Variants in GBE1 observed in about 807,000 individuals in gnomAD.
The protein encoded by GBE1 is 1,4-alpha-glucan-branching enzyme.
A neutral mutation model predicts 88.8 loss-of-function variants in GBE1; 70 were observed. That is an observed-to-expected ratio of 0.79 (90% CI 0.65 to 0.96). The LOEUF (loss-of-function observed/expected upper bound fraction) is 0.96. GBE1 is among the 40% of genes least tolerant of loss of function. GBE1 has a pLI of 0.00. For missense variants in GBE1, 872 were observed against 871.0 expected, an observed-to-expected ratio of 1.00 and a Z score of -0.01; for synonymous variants, 284 against 300.1, an observed-to-expected ratio of 0.95 and a Z score of 0.56.
chr3:81,634,155 G>A (rs1054479956), intron 7 of GBE1, among the ~76,000 whole-genome samples: 3 of 152,170 alleles, frequency 2.0e-5, no homozygotes, highest in Admixed American at 6.6e-5. Context: ...CCTCGTTCGC[G>A]AGTCCTGCTT....
chr3:81,532,305 G>A (rs935312631), intron 14 of GBE1, among the ~76,000 whole-genome samples: 38 of 151,824 alleles, frequency 2.5e-4, no homozygotes, highest in African/African-American at 8.7e-4. Flanking sequence ...CATCTTGCAC[G>A]AATTTATATT....
At chr3:81,613,295 A>G (rs542445330) in intron 7 of GBE1, among the ~76,000 whole-genome samples, 1 of 152,016 alleles carries the variant, frequency 6.6e-6, no homozygotes, top group East Asian at 1.9e-4. Context: ...TTCAAAATTC[A>G]TTTTTATCCC....
intron 14 of GBE1, among the ~76,000 whole-genome samples, chr3:81,499,435 C>T (rs926194532): frequency 3.3e-5 from 5 of 152,136 alleles, no homozygotes; most frequent in Non-Finnish European, 7.4e-5. Flanking sequence ...TGTTATACTT[C>T]CATCACGACT....
At chr3:81,563,903 A>AAGGG (rs1354103613) in intron 12 of GBE1, among the ~76,000 whole-genome samples, 1 of 142,348 alleles carries the variant, frequency 7.0e-6, no homozygotes, top group East Asian at 2.5e-4. Flanking sequence ...GAGACGGAGA[A>AAGGG]AGGGAGGGAG....
intron 3 of GBE1, among the ~76,000 whole-genome samples, chr3:81,657,140 A>T (rs1046139262): frequency 9.9e-5 from 15 of 151,216 alleles, no homozygotes; most frequent in Non-Finnish European, 2.1e-4. Flanking sequence ...GTCTCAAAAA[A>T]AAAAAAAACA....
At chr3:81,598,596 T>A (rs1276664614) in intron 7 of GBE1, among the ~76,000 whole-genome samples, 1 of 151,940 alleles carries the variant, frequency 6.6e-6, no homozygotes, top group South Asian at 2.1e-4. Context: ...TAAGTTACAT[T>A]ACAAACTCAG....
chr3:81,671,583 T>A (rs1383450838), intron 2 of GBE1, among the ~76,000 whole-genome samples: 2 of 152,088 alleles, frequency 1.3e-5, no homozygotes, highest in African/African-American at 4.8e-5. Context: ...CACTATTTAA[T>A]AAGTGGTGCT....
intron 14 of GBE1, among the ~76,000 whole-genome samples, chr3:81,509,900 T>C (rs1406085231): frequency 1.3e-5 from 2 of 152,006 alleles, no homozygotes; most frequent in African/African-American, 4.8e-5. Context: ...ATTTATAATA[T>C]AAAAATCCTT....
At chr3:81,671,060 C>A in intron 2 of GBE1, 107 bp from the exon 3 acceptor site, 1 of 502,160 alleles carries the variant, frequency 2.0e-6, no homozygotes, top group Non-Finnish European at 3.4e-6. Flanking sequence ...ATCAAATTGT[C>A]TAAAATAATT....
intron 14 of GBE1, among the ~76,000 whole-genome samples, chr3:81,503,346 T>G (rs2106816579): frequency 6.6e-6 from 1 of 152,268 alleles, no homozygotes; most frequent in South Asian, 2.1e-4. Flanking sequence ...TGAAGACTTT[T>G]GAAGGCTGGG....
At chr3:81,533,861 T>G (rs1326995925) in intron 14 of GBE1, among the ~76,000 whole-genome samples, 5 of 152,070 alleles carry the variant, frequency 3.3e-5, no homozygotes, top group Non-Finnish European at 5.9e-5. Context: ...ATGGCTCTTA[T>G]CTAATGATTA....
At chr3:81,655,024 A>G (rs1704911648) in intron 3 of GBE1, 1 of 152,208 alleles carries the variant, frequency 6.6e-6, no homozygotes, top group African/African-American at 2.4e-5. Context: ...TGAGGGTGGT[A>G]GGAGTTGTAC....
At chr3:81,749,182 A>G (rs1468426812) in intron 1 of GBE1, among the ~76,000 whole-genome samples, 1 of 152,172 alleles carries the variant, frequency 6.6e-6, no homozygotes, top group Non-Finnish European at 1.5e-5. Flanking sequence ...ATAGCCAAAA[A>G]CTGGGAACAA....
At chr3:81,506,773 A>G (rs1208801210) in intron 14 of GBE1, among the ~76,000 whole-genome samples, 2 of 152,234 alleles carry the variant, frequency 1.3e-5, no homozygotes, top group Non-Finnish European at 2.9e-5. Flanking sequence ...TTGCAGGGAC[A>G]TGAATGGAGC....
At chr3:81,582,616 G>A (rs1280815255) in intron 10 of GBE1, among the ~76,000 whole-genome samples, 1 of 152,018 alleles carries the variant, frequency 6.6e-6, no homozygotes, top group Non-Finnish European at 1.5e-5. Flanking sequence ...TTGATAAAAG[G>A]GCAACAGAAA....
intron 2 of GBE1, among the ~76,000 whole-genome samples, chr3:81,684,646 GCAAA>G (rs1353820333): frequency 6.6e-6 from 1 of 152,110 alleles, no homozygotes; most frequent in African/African-American, 2.4e-5. Context: ...TTGAGGAGAC[GCAAA>G]CACTCAGTCC....
At chr3:81,577,445 T>A (rs1370364422) in intron 12 of GBE1, among the ~76,000 whole-genome samples, 4 of 152,142 alleles carry the variant, frequency 2.6e-5, no homozygotes, top group Non-Finnish European at 5.9e-5. Context: ...TTTTCTATTT[T>A]AAAAAATAAA....
intron 3 of GBE1, among the ~76,000 whole-genome samples, chr3:81,669,280 A>ACT (rs1705155617): frequency 1.3e-5 from 2 of 152,208 alleles, no homozygotes; most frequent in African/African-American, 2.4e-5. Flanking sequence ...AAAACTCAGT[A>ACT]AAGTTAATCT....
chr3:81,575,813 T>C (rs1703640074), intron 12 of GBE1, among the ~76,000 whole-genome samples: 1 of 152,170 alleles, frequency 6.6e-6, no homozygotes. Flanking sequence ...TTACTATCTG[T>C]AGTTTTACTC....
Sources: gnomAD v4.1 joint callset for allele counts (sites outside exome capture counted in the v4.1 genomes callset) on GRCh38, gnomAD v4.1.1 for gene constraint, MANE v1.5 for transcripts, NCBI Gene and HGNC (gene_info 2026-07-23, HGNC 2026-07-21) for gene names.